The following EPHB6 variants were observed in gnomAD, a reference collection of about 807,000 sequenced individuals.
EPHB6 encodes ephrin type-B receptor 6.
Under a neutral mutation model 107.0 loss-of-function variants are expected in EPHB6, and 51 were observed. The observed-to-expected ratio is 0.48, with a 90% confidence interval of 0.38 to 0.60. The LOEUF (loss-of-function observed/expected upper bound fraction) is 0.60. EPHB6 is among the 20% of genes least tolerant of loss of function. The pLI is 0.00. For missense variants in EPHB6, 1,141 were observed against 1,355.5 expected, an observed-to-expected ratio of 0.84 and a Z score of 2.48; for synonymous variants, 553 against 549.0, an observed-to-expected ratio of 1.01 and a Z score of -0.10.
rs1218369731 is a variant in EPHB6 at position 142,864,027 on chromosome 7, A to G, written c.227A>G (p.His76Arg). The change falls in exon 7 of 20, where the codon CAT becomes CGT. Residue 76 changes from histidine (H) to arginine (R), a missense_variant. Transcript: ENST00000652003. Reference sequence around the variant, plus strand: ...CTGACTCGGACCTTTGAGGCATGTCATGTGGCAGGGGCCCCTCCAGGCACC... The same window carrying G: ...CTGACTCGGACCTTTGAGGCATGTCGTGTGGCAGGGGCCCCTCCAGGCACC... ...RRLTRTFEACHVAGAPPGTGQ... is the reference protein window; with the variant it reads ...RRLTRTFEACRVAGAPPGTGQ... 6.2e-6 allele frequency: 10 copies of G among 1,614,016 alleles called. No homozygotes were observed. Among genetic ancestry groups the G allele is most frequent in the Non-Finnish European group, 8.5e-6 (10 of 1,180,034 alleles).
Position 142,868,701 on chromosome 7 carries a change from G to C in EPHB6, c.2248G>C (p.Glu750Gln). 6.2e-7 allele frequency: 1 copy of C among 1,614,008 alleles called. No homozygotes were observed. Among genetic ancestry groups the C allele is most frequent in the Non-Finnish European group, 8.5e-7 (1 of 1,180,024 alleles). ...TKSRPLMVLT[E>Q]FMELGPLDSF... is the part of the protein sequence containing the mutation. ...GAGCCGACCCCTCATGGTGCTGACG[G>C]AGTTCATGGAGCTTGGCCCCCTGGA... Residue 750 changes from glutamate to glutamine, a missense_variant, in exon 15 of 20, where the codon GAG (glutamate) becomes CAG (glutamine). Glu to Gln is a conservative substitution (Grantham distance 29, BLOSUM62 2). Around this residue, in one of 3 missense-constraint regions of EPHB6, gnomAD observed 616 missense variants for 759.3 expected, o/e 0.81. Transcript: ENST00000652003. The surrounding 1 kb of genome is among the most constrained non-coding windows in gnomAD (Gnocchi z 4.2).
Position 142,866,127 on chromosome 7 carries a change from T to A in EPHB6, c.1273T>A (p.Cys425Ser). 4 of 1,613,682 alleles carry A rather than the reference T, an allele frequency of 2.5e-6. No individual in the cohort carries two copies. Among genetic ancestry groups the A allele is most frequent in the Non-Finnish European group, 3.4e-6 (4 of 1,179,840 alleles). Residue 425 changes from cysteine (C) to serine (S), a missense_variant, in exon 9 of 20, where the codon TGT becomes AGT. Cys to Ser is a moderately radical substitution (Grantham distance 112, BLOSUM62 -1). Around this residue, in one of 3 missense-constraint regions of EPHB6, gnomAD observed 304 missense variants for 295.7 expected, o/e 1.03. Transcript: ENST00000652003. The surrounding 1 kb of genome is among the most constrained non-coding windows in gnomAD (Gnocchi z 5.2). ...ACCTGCCAGCGGTGGTGGGGGCACT[T>A]GTCACCGCTGCAGGGATGAGGTCCA... ...QEPASGGGGT[C>S]HRCRDEVHFD...
rs1802583208 is a variant in EPHB6 at position 142,855,862 on chromosome 7, G to A, written c.-432+477G>A. Among the ~76,000 whole-genome samples the A allele has an allele frequency of 6.6e-6, 1 of 152,112 alleles. No individual in the cohort carries two copies. The highest frequency in any genetic ancestry group is 2.4e-5 in the African/African-American group (1 of 41,424). ...TGTCCCCCCCAGCTCCATGACCACAGTTAAGCCTTGGAGGTGGAAGGAACG... is the reference window on the plus strand; with the variant it reads ...TGTCCCCCCCAGCTCCATGACCACAATTAAGCCTTGGAGGTGGAAGGAACG... On this transcript the variant is annotated intron_variant, in intron 1 of 19. Coordinates refer to ENST00000652003, the MANE Select transcript of EPHB6 (RefSeq NM_004445.6). The surrounding 1 kb of genome is among the most constrained non-coding windows in gnomAD (Gnocchi z 4.2).
At chr7:142,861,350 GTT>G (rs1216981300) in intron 2 of EPHB6, among the ~76,000 whole-genome samples, 164 bp downstream of exon 2, 2 of 119,182 alleles carry the variant, frequency 1.7e-5, no homozygotes, top group African/African-American at 1.4e-4. Flanking sequence ...TTATCCTATA[GTT>G]TTAAAGAAAA....
Position 142,868,860 on chromosome 7 carries a change from G to A in EPHB6, c.2287-114G>A, listed in dbSNP as rs541852372. 2 of 1,595,032 alleles carry A rather than the reference G, an allele frequency of 1.3e-6. No homozygotes were observed. The highest frequency in any genetic ancestry group is 1.7e-6 in the Non-Finnish European group (2 of 1,172,120). Reference sequence around the variant, plus strand: ...CCATGGTCTCCGTCCTTCCTTCCCAGCCATTTTCTGATTCGACACCCTCCC... The same window carrying A: ...CCATGGTCTCCGTCCTTCCTTCCCAACCATTTTCTGATTCGACACCCTCCC... On this transcript the variant is annotated intron_variant, in intron 15 of 19. Transcript: ENST00000652003. The surrounding 1 kb of genome is among the most constrained non-coding windows in gnomAD (Gnocchi z 4.2).
At position 142,864,764 on chromosome 7, in the gene EPHB6, G is replaced by A. The variant is rs758631443; in HGVS notation, c.949+15G>A. 78 of 1,612,578 alleles carry A rather than the reference G, an allele frequency of 4.8e-5. No homozygotes were observed. Among genetic ancestry groups the A allele is most frequent in the East Asian group, 3.1e-4 (14 of 44,886 alleles). On this transcript the variant is annotated intron_variant, in intron 7 of 19. Coordinates refer to ENST00000652003, the MANE Select transcript of EPHB6 (RefSeq NM_004445.6). ...GGCCTGCCAAGGTGAGAGCCCACTC[G>A]TCTTGCACTTGCCCGACACCTCCCA...
In EPHB6 at chr7:142,867,077, G is replaced by A; in HGVS notation, c.1750+9G>A. ...CCAGACACTTCCTCAAGGTGAGCGG[G>A]GGTCAAGGGCCAGATGGGCAGGTGA... On this transcript the variant is annotated intron_variant, in intron 11 of 19. Coordinates refer to ENST00000652003, the MANE Select transcript of EPHB6 (RefSeq NM_004445.6). The surrounding 1 kb of genome is among the most constrained non-coding windows in gnomAD (Gnocchi z 5.3). 6.2e-7 allele frequency: 1 copy of A among 1,611,792 alleles called. No individual in the cohort carries two copies. Among genetic ancestry groups the A allele is most frequent in the Non-Finnish European group, 8.5e-7 (1 of 1,179,684 alleles).
At chr7:142,860,628 A>G (rs1264033882) in intron 1 of EPHB6, among the ~76,000 whole-genome samples, 1 of 152,232 alleles carries the variant, frequency 6.6e-6, no homozygotes, top group Non-Finnish European at 1.5e-5. Flanking sequence ...ATTACTTAAG[A>G]GCAATTTGCC....
In EPHB6 at chr7:142,867,834, C is replaced by G; in HGVS notation, c.1865+112C>G. 2.8e-6 allele frequency: 4 copies of G among 1,422,332 alleles called. No individual in the cohort carries two copies. Among genetic ancestry groups the G allele is most frequent in the East Asian group, 2.5e-5 (1 of 40,326 alleles). 88.1% of individuals were successfully genotyped at this position (1,422,332 alleles called of 1,614,324 possible). On this transcript the variant is annotated intron_variant, in intron 12 of 19. Coordinates refer to ENST00000652003, the MANE Select transcript of EPHB6 (RefSeq NM_004445.6). The surrounding 1 kb of genome is among the most constrained non-coding windows in gnomAD (Gnocchi z 5.3). ...AGAAACCTCACACTGGTGCTCCTCC[C>G]GTCAGCCAGCCCCTGCCCTGGGCCC...
Position 142,869,767 on chromosome 7 carries a change from C to T in EPHB6, c.2461-50C>T, listed in dbSNP as rs369985791. ...GAGCACATAGTAGTTGCTCAATAAA[C>T]GTGACTATTACTATGATTATTACTA... On this transcript the variant is annotated intron_variant, in intron 16 of 19. Coordinates refer to ENST00000652003, the MANE Select transcript of EPHB6 (RefSeq NM_004445.6). The surrounding 1 kb of genome is among the most constrained non-coding windows in gnomAD (Gnocchi z 4.5). 136 of 1,607,152 alleles carry T rather than the reference C, an allele frequency of 8.5e-5. No homozygotes were observed. The highest frequency in any genetic ancestry group is 8.3e-4 in the Middle Eastern group (5 of 6,032).
rs759611724 is a variant in EPHB6 at position 142,866,160 on chromosome 7, C to A, written c.1306C>A (p.Pro436Thr). ...CTGCAGGGATGAGGTCCACTTCGAC[C>A]CTCGCCAGAGAGGCCTGACTGAGAG... The part of the protein sequence containing the change: ...HRCRDEVHFD[P>T]RQRGLTESRV... Residue 436 changes from proline to threonine, a missense_variant, in exon 9 of 20, where the codon CCT becomes ACT. Physicochemically the swap from Pro to Thr is conservative, Grantham distance 38. Coordinates refer to ENST00000652003, the MANE Select transcript of EPHB6 (RefSeq NM_004445.6). This position sits in a 1 kb window ranked among gnomAD's most constrained non-coding sequence, Gnocchi z 5.2. 6.2e-7 allele frequency: 1 copy of A among 1,613,942 alleles called. No individual in the cohort carries two copies. Among genetic ancestry groups the A allele is most frequent in the Non-Finnish European group, 8.5e-7 (1 of 1,180,028 alleles).
Position 142,867,629 on chromosome 7 carries a change from C to G in EPHB6, c.1772C>G (p.Pro591Arg), listed in dbSNP as rs752774355. Residue 591 changes from proline to arginine, a missense_variant, in exon 12 of 20, where the codon CCA becomes CGA. Coordinates refer to ENST00000652003, the MANE Select transcript of EPHB6 (RefSeq NM_004445.6). The surrounding 1 kb of genome is among the most constrained non-coding windows in gnomAD (Gnocchi z 5.3). The stretch of plus-strand genomic sequence containing the variant: ...CCAGGGGAGCTGTCTTCCCAGCTTC[C>G]AGAAAGACTCTCCTTGGTGATCGGC... ...LPQGELSSQL[P>R]ERLSLVIGSI... 1 of 1,613,202 alleles carries G rather than the reference C, an allele frequency of 6.2e-7. No individual in the cohort carries two copies. Among genetic ancestry groups the G allele is most frequent in the Non-Finnish European group, 8.5e-7 (1 of 1,179,872 alleles).
At chr7:142,860,402 C>T (rs140410167) in intron 1 of EPHB6, among the ~76,000 whole-genome samples, 180 of 152,318 alleles carry the variant, frequency 1.2e-3, no homozygotes, top group African/African-American at 3.9e-3. Flanking sequence ...GTGTCAAGCA[C>T]GTCTCCAAAT....
chr7:142,860,371 G>A (rs1441771896), intron 1 of EPHB6, among the ~76,000 whole-genome samples: 4 of 152,166 alleles, frequency 2.6e-5, no homozygotes, highest in Non-Finnish European at 5.9e-5. Context: ...TAAGGACTCC[G>A]TGACTCTGGT....
Position 142,866,164 on chromosome 7 carries a change from G to T in EPHB6, c.1310G>T (p.Arg437Leu). The change falls in exon 9 of 20, where the codon CGC (arginine) becomes CTC (leucine). Residue 437 changes from arginine (R) to leucine (L), a missense_variant. By Grantham distance (102) the Arg-to-Leu change is moderately radical (BLOSUM62 -2). Transcript: ENST00000652003. The surrounding 1 kb of genome is among the most constrained non-coding windows in gnomAD (Gnocchi z 5.2). ...AGGGATGAGGTCCACTTCGACCCTCGCCAGAGAGGCCTGACTGAGAGCCGA... is the reference window on the plus strand; with the variant it reads ...AGGGATGAGGTCCACTTCGACCCTCTCCAGAGAGGCCTGACTGAGAGCCGA... ...RCRDEVHFDP[R>L]QRGLTESRVL... 1 of 1,614,084 alleles carries T rather than the reference G, an allele frequency of 6.2e-7. No homozygotes were observed. Among genetic ancestry groups the T allele is most frequent in the Non-Finnish European group, 8.5e-7 (1 of 1,180,012 alleles).
chr7:142,857,167 C>T (rs1465404267), intron 1 of EPHB6, among the ~76,000 whole-genome samples: 1 of 152,224 alleles, frequency 6.6e-6, no homozygotes, highest in East Asian at 1.9e-4. Context: ...CCCCCAGCTC[C>T]ACAGCCTGGG....
rs781509540 is a variant in EPHB6, at chr7:142,866,640, T to G, written c.1587+35T>G. 1.9e-6 allele frequency: 3 copies of G among 1,613,416 alleles called. No individual in the cohort carries two copies. The highest frequency in any genetic ancestry group is 3.3e-5 in the Admixed American group (2 of 59,998). On this transcript the variant is annotated intron_variant, in intron 10 of 19. Coordinates refer to ENST00000652003, the MANE Select transcript of EPHB6 (RefSeq NM_004445.6). The surrounding 1 kb of genome is among the most constrained non-coding windows in gnomAD (Gnocchi z 5.2). ...AGGAGTGGGGGTTCCGCAGTAGGGC[T>G]GGTAGGAGCTCATAGGCCTCACAGT...
rs747881958 is a variant in EPHB6 at position 142,868,393 on chromosome 7, C to T, written c.2038+33C>T. On this transcript the variant is annotated intron_variant, in intron 14 of 19. Coordinates refer to ENST00000652003, the MANE Select transcript of EPHB6 (RefSeq NM_004445.6). This position sits in a 1 kb window ranked among gnomAD's most constrained non-coding sequence, Gnocchi z 4.2. ...AGGGCCAAAGCAGGGATCAGAGCGACGGGGCTCCCTTGTGGCCTCCGCTGG... is the reference window on the plus strand; with the variant it reads ...AGGGCCAAAGCAGGGATCAGAGCGATGGGGCTCCCTTGTGGCCTCCGCTGG... 3.7e-6 allele frequency: 6 copies of T among 1,613,830 alleles called. No homozygotes were observed. Among genetic ancestry groups the T allele is most frequent in the East Asian group, 2.2e-5 (1 of 44,880 alleles).
chr7:142,868,409 C>T lies in EPHB6; in HGVS notation c.2038+49C>T, dbSNP rs1412225383. On this transcript the variant is annotated intron_variant, in intron 14 of 19. Coordinates refer to ENST00000652003, the MANE Select transcript of EPHB6 (RefSeq NM_004445.6). The surrounding 1 kb of genome is among the most constrained non-coding windows in gnomAD (Gnocchi z 4.2). The stretch of plus-strand genomic sequence containing the variant: ...TCAGAGCGACGGGGCTCCCTTGTGG[C>T]CTCCGCTGGCCAGAGTCCCATCCAA... 2 of 1,613,960 alleles carry T rather than the reference C, an allele frequency of 1.2e-6. No individual in the cohort carries two copies. The highest frequency in any genetic ancestry group is 1.6e-4 in the Middle Eastern group (1 of 6,062).
Sources: allele counts gnomAD v4.1 joint callset (sites outside exome capture counted in the v4.1 genomes callset), GRCh38; gene constraint gnomAD v4.1.1; regional missense constraint gnomAD v4.1.1; non-coding constraint Gnocchi (gnomAD v3.1); transcripts MANE v1.5; gene names NCBI Gene and HGNC (gene_info 2026-07-23, HGNC 2026-07-21).